Variants in POC1B observed in about 807,000 individuals in gnomAD.
POC1B encodes the protein POC1 centriolar protein B.
In POC1B, 44 loss-of-function variants were observed where a neutral mutation model predicts 60.6. That is an observed-to-expected ratio of 0.73 (90% confidence interval 0.57 to 0.93). The LOEUF (loss-of-function observed/expected upper bound fraction) is 0.93. Ranked by LOEUF, POC1B falls within the 40% of genes least tolerant of loss-of-function variation. The probability of loss-of-function intolerance (pLI) is 0.00; values close to 1 mark genes in which losing one functional copy is unlikely to be tolerated. For synonymous variants in POC1B, 180 were observed against 198.9 expected (o/e 0.90, Z 0.80); for missense variants, 555 against 572.3 (o/e 0.97, Z 0.31).
rs763724751 is a variant in POC1B at position 89,523,614 on chromosome 12, T to G, written c.100+1506A>C. On this transcript the variant is annotated intron_variant, in intron 2 of 11. Transcript: ENST00000313546. ...AATATTTCTTGCTGACAGCAAACAG[T>G]CCTCCAGCCATGGTAGGTGATCTGA... The G allele has an allele frequency of 1.9e-6, 3 of 1,554,064 alleles. No individual in the cohort carries two copies. In the South Asian group the frequency reaches 3.8e-5, roughly 20 times the overall value.
chr12:89,407,319 G>C, the POC1B span, among the ~76,000 whole-genome samples: 4 of 151,570 alleles, frequency 2.6e-5, no homozygotes, highest in Admixed American at 6.6e-5. Context: ...TGCAGCCTCC[G>C]CCTCCCGGGT....
intron 2 of POC1B, chr12:89,502,569 A>T: frequency 8.5e-7 from 1 of 1,182,626 alleles, no homozygotes; most frequent in South Asian, 1.3e-5. Flanking sequence ...CCTCTTGGAG[A>T]TCCTTTGCAG....
intron 10 of POC1B, among the ~76,000 whole-genome samples, chr12:89,431,084 G>C (rs907772302): frequency 6.6e-6 from 1 of 151,806 alleles, no homozygotes; most frequent in East Asian, 1.9e-4. Flanking sequence ...CTGAATAACA[G>C]ATGGATTTTT....
chr12:89,525,823 C>G (rs1222463302), intron 1 of POC1B, 58 bp downstream of exon 1: 2 of 1,400,086 alleles, frequency 1.4e-6, no homozygotes, highest in Admixed American at 6.3e-5. Flanking sequence ...GACCTGGCCC[C>G]GCAGCCCGCG....
At chr12:89,445,822 C>T (rs767783584) in intron 10 of POC1B, among the ~76,000 whole-genome samples, 8 of 152,050 alleles carry the variant, frequency 5.3e-5, no homozygotes, top group Non-Finnish European at 4.4e-5. Flanking sequence ...GAACAGGCAA[C>T]CTAAAGAATG....
rs147120480 is a variant in POC1B, at chr12:89,436,376, A to G, written c.1114-10997T>C. Among the ~76,000 whole-genome samples the G allele has an allele frequency of 1.1e-4, 17 of 152,346 alleles. No individual in the cohort carries two copies. The East Asian group carries it at 3.3e-3, about 29-fold the overall frequency. On this transcript the variant is annotated intron_variant, in intron 10 of 11. Coordinates refer to ENST00000313546, the MANE Select transcript of POC1B (RefSeq NM_172240.3). Reference sequence around the variant, plus strand: ...TAAACATGATGGGCTTTATCCATTTAAAATTTCAGTCTCAGAATTTACCAA... The same window carrying G: ...TAAACATGATGGGCTTTATCCATTTGAAATTTCAGTCTCAGAATTTACCAA...
At chr12:89,408,003 G>A in the POC1B span, among the ~76,000 whole-genome samples, 15 of 152,072 alleles carry the variant, frequency 9.9e-5, no homozygotes, top group Non-Finnish European at 1.9e-4. Context: ...TCCTCTCCCT[G>A]TGCCCATATG....
Position 89,525,197 on chromosome 12 carries a change from G to A in POC1B, c.23C>T (p.Pro8Leu). The A allele has an allele frequency of 6.2e-7, 1 of 1,608,614 alleles. No homozygotes were observed. Among genetic ancestry groups the A allele is most frequent in the East Asian group, 2.3e-5 (1 of 44,108 alleles). The change falls in exon 2 of 12, where the codon CCC becomes CTC. Residue 8 changes from proline to leucine, a missense_variant. Physicochemically the swap from Pro to Leu is moderately conservative, Grantham distance 98 (BLOSUM62 -3). Coordinates refer to ENST00000313546, the MANE Select transcript of POC1B (RefSeq NM_172240.3). ...GCCTTTGAAATAACGCTCCAGAACGGGGTCCTCCTGGAAAGGAAAGTTGTC... is the reference window on the plus strand; with the variant it reads ...GCCTTTGAAATAACGCTCCAGAACGAGGTCCTCCTGGAAAGGAAAGTTGTC... MASATEDPVLERYFKGHK... is the reference protein window; with the variant it reads MASATEDLVLERYFKGHK...
intron 10 of POC1B, among the ~76,000 whole-genome samples, chr12:89,447,435 C>T (rs775706763): frequency 3.9e-5 from 6 of 151,926 alleles, no homozygotes; most frequent in Admixed American, 6.6e-5. Context: ...TTACTGTGTA[C>T]GGAACTGTAC....
At chr12:89,404,200 T>C in the POC1B span, among the ~76,000 whole-genome samples, 5 of 152,042 alleles carry the variant, frequency 3.3e-5, no homozygotes, top group Admixed American at 1.3e-4. Flanking sequence ...AGCAGCTGTT[T>C]CCTACAGAGG....
At chr12:89,426,197 G>C (rs543427352) in intron 10 of POC1B, 1 of 152,170 alleles carries the variant, frequency 6.6e-6, no homozygotes, top group Non-Finnish European at 1.5e-5. Context: ...AATTCCTAGA[G>C]ACAAAAAGTA....
At chr12:89,430,879 T>G (rs891486067) in intron 10 of POC1B, among the ~76,000 whole-genome samples, 2 of 152,146 alleles carry the variant, frequency 1.3e-5, no homozygotes, top group African/African-American at 2.4e-5. Flanking sequence ...CACAAAAAAT[T>G]AAATATTAGC....
At chr12:89,500,937 A>T (rs1284185044) in intron 2 of POC1B, 7 of 927,628 alleles carry the variant, frequency 7.5e-6, no homozygotes, top group Non-Finnish European at 1.0e-5. Flanking sequence ...ATCCAGTCCC[A>T]TTGTTAGGCA....
At chr12:89,440,297 C>T (rs2120719564) in intron 10 of POC1B, among the ~76,000 whole-genome samples, 1 of 152,310 alleles carries the variant, frequency 6.6e-6, no homozygotes, top group African/African-American at 2.4e-5. Context: ...GTAATTGATT[C>T]TACATGCACT....
At chr12:89,470,816 A>C (rs1203366978) in intron 6 of POC1B, among the ~76,000 whole-genome samples, 1 of 152,218 alleles carries the variant, frequency 6.6e-6, no homozygotes, top group Non-Finnish European at 1.5e-5. Flanking sequence ...CCTAGTCTCA[A>C]ATTAAAGGTA....
the POC1B span, among the ~76,000 whole-genome samples, chr12:89,401,900 C>G: frequency 6.6e-6 from 1 of 152,198 alleles, no homozygotes; most frequent in Admixed American, 6.5e-5. Context: ...TGACCTAATG[C>G]AAACAACGAA....
chr12:89,490,501 C>G (rs10858877), intron 4 of POC1B, among the ~76,000 whole-genome samples: 1 of 151,986 alleles, frequency 6.6e-6, no homozygotes, highest in African/African-American at 2.4e-5. Context: ...CCTGCCACCA[C>G]GCCTAGCTAA....
At chr12:89,487,626 GAT>G (rs1216949328) in intron 4 of POC1B, among the ~76,000 whole-genome samples, 1 of 152,136 alleles carries the variant, frequency 6.6e-6, no homozygotes, top group Non-Finnish European at 1.5e-5. Context: ...ATGAATATTG[GAT>G]AGTTTTGTCC....
intron 3 of POC1B, 99 bp downstream of exon 3, chr12:89,497,066 CTGAGAA>C (rs1217184497): frequency 1.7e-6 from 2 of 1,164,884 alleles, no homozygotes; most frequent in East Asian, 4.8e-5. Flanking sequence ...TTTTATGTGA[CTGAGAA>C]TAACAGTGCA....
Sources: allele counts gnomAD v4.1 joint callset (sites outside exome capture counted in the v4.1 genomes callset), GRCh38; gene constraint gnomAD v4.1.1; transcripts MANE v1.5; gene names NCBI Gene and HGNC (gene_info 2026-07-23, HGNC 2026-07-21).